Variants in GABRB1 observed in about 807,000 individuals in gnomAD.
The protein encoded by GABRB1 is gamma-aminobutyric acid type A receptor subunit beta1.
GABRB1 carries 17 observed loss-of-function variants against 51.6 expected under a neutral mutation model. The ratio of observed to expected loss-of-function variants is 0.33; its 90% CI spans 0.23 to 0.49. GABRB1 has a LOEUF of 0.49. GABRB1 is among the 20% of genes least tolerant of loss of function. The probability of loss-of-function intolerance (pLI) is 0.99; values close to 1 mark genes in which losing one functional copy is unlikely to be tolerated. For missense variants in GABRB1, 410 were observed against 600.6 expected, an observed-to-expected ratio of 0.68 and a Z score of 3.32; for synonymous variants, 247 against 218.9, an observed-to-expected ratio of 1.13 and a Z score of -1.14.
Position 47,155,916 on chromosome 4 carries a change from C to CATAT in GABRB1, c.241-5306_241-5303dup, listed in dbSNP as rs10525795. 3.0e-3 allele frequency among the ~76,000 whole-genome samples: 223 copies of CATAT among 73,610 alleles called. 22 individuals carry two copies. The highest frequency in any genetic ancestry group is 4.6e-3 in the South Asian group (7 of 1,510). The allele number at this position is 73,610 out of a possible 152,430, so 48.3% of individuals were successfully genotyped here. On this transcript the variant is annotated intron_variant, in intron 3 of 8. Coordinates refer to ENST00000295454, the MANE Select transcript of GABRB1 (RefSeq NM_000812.4). ...TACTCATACTAAAAAGAGGTATTTT[C>CATAT]ATATATATATATATATATATATATA...
chr4:47,318,269 A>C (rs1452189511), intron 4 of GABRB1, among the ~76,000 whole-genome samples: 8 of 152,006 alleles, frequency 5.3e-5, no homozygotes, highest in Admixed American at 5.2e-4. Flanking sequence ...AGTGCTCCCC[A>C]AATGATGATC....
intron 3 of GABRB1, among the ~76,000 whole-genome samples, chr4:47,062,963 A>G (rs975129126): frequency 6.6e-6 from 1 of 152,170 alleles, no homozygotes; most frequent in Non-Finnish European, 1.5e-5. Flanking sequence ...GTTCTGCTAC[A>G]CTCAAATCCA....
intron 3 of GABRB1, among the ~76,000 whole-genome samples, chr4:47,041,759 G>C (rs1432701277): frequency 6.6e-6 from 1 of 151,980 alleles, no homozygotes; most frequent in African/African-American, 2.4e-5. Context: ...TAGCTTTGTT[G>C]TCTCCATGGA....
At chr4:47,110,980 A>C (rs1237910984) in intron 3 of GABRB1, among the ~76,000 whole-genome samples, 2 of 152,188 alleles carry the variant, frequency 1.3e-5, no homozygotes, top group Admixed American at 6.5e-5. Context: ...TAAGGTTTAC[A>C]AAAAAGGATA....
chr4:47,297,616 A>T (rs1724056763), intron 4 of GABRB1, among the ~76,000 whole-genome samples: 1 of 152,224 alleles, frequency 6.6e-6, no homozygotes, highest in African/African-American at 2.4e-5. Context: ...GTAATAATCA[A>T]TAGCTTACCA....
intron 5 of GABRB1, among the ~76,000 whole-genome samples, chr4:47,390,003 A>C (rs182392074): frequency 3.3e-5 from 5 of 152,366 alleles, no homozygotes; most frequent in African/African-American, 9.6e-5. Flanking sequence ...AAGGAAACAT[A>C]CTGGCTCCTG....
At chr4:47,074,500 A>T (rs1727469844) in intron 3 of GABRB1, among the ~76,000 whole-genome samples, 1 of 152,240 alleles carries the variant, frequency 6.6e-6, no homozygotes, top group African/African-American at 2.4e-5. Flanking sequence ...ATGGGTATAA[A>T]ATACCAATAT....
intron 3 of GABRB1, among the ~76,000 whole-genome samples, chr4:47,136,873 G>A (rs1407032352): frequency 6.6e-6 from 1 of 151,904 alleles, no homozygotes; most frequent in Non-Finnish European, 1.5e-5. Context: ...AACATTTAAT[G>A]TCTATATAAG....
intron 4 of GABRB1, among the ~76,000 whole-genome samples, chr4:47,175,196 CTT>C (rs370849643): frequency 1.4e-5 from 2 of 146,170 alleles, no homozygotes; most frequent in African/African-American, 5.1e-5. Context: ...CTCTCTCTCT[CTT>C]TCTTTCTTTC....
At chr4:47,390,954 G>C (rs1727967506) in intron 5 of GABRB1, among the ~76,000 whole-genome samples, 1 of 151,994 alleles carries the variant, frequency 6.6e-6, no homozygotes, top group African/African-American at 2.4e-5. Context: ...GAGGGGGACG[G>C]GTCATGAGGT....
intron 5 of GABRB1, among the ~76,000 whole-genome samples, chr4:47,327,232 T>C (rs1268589002): frequency 6.6e-6 from 1 of 152,092 alleles, no homozygotes; most frequent in African/African-American, 2.4e-5. Context: ...GGCATGGGCC[T>C]GTAGTCCCAA....
chr4:47,293,305 C>T (rs1723830973), intron 4 of GABRB1, among the ~76,000 whole-genome samples: 1 of 152,130 alleles, frequency 6.6e-6, no homozygotes, highest in South Asian at 2.1e-4. Context: ...TAATGCTTGG[C>T]TAATTTTGTA....
At chr4:47,061,135 T>C (rs1250490606) in intron 3 of GABRB1, among the ~76,000 whole-genome samples, 1 of 152,240 alleles carries the variant, frequency 6.6e-6, no homozygotes, top group African/African-American at 2.4e-5. Flanking sequence ...ACATGTGATT[T>C]AAATTTCTCT....
At chr4:47,008,493 C>T (rs1724478820) in intron 1 of GABRB1, among the ~76,000 whole-genome samples, 2 of 150,592 alleles carry the variant, frequency 1.3e-5, no homozygotes, top group Non-Finnish European at 3.0e-5. Flanking sequence ...GATGGAGTCT[C>T]ACTCTTTTGC....
intron 3 of GABRB1, among the ~76,000 whole-genome samples, chr4:47,138,367 C>A (rs1716767317): frequency 6.6e-6 from 1 of 151,964 alleles, no homozygotes. Flanking sequence ...TTGTCCAGAA[C>A]CCCTTGTTTT....
chr4:47,029,434 G>GT (rs926157664), upstream of GABRB1, among the ~76,000 whole-genome samples: 7 of 150,814 alleles, frequency 4.6e-5, no homozygotes, highest in African/African-American at 7.3e-5. Flanking sequence ...ACTTCTGGAA[G>GT]TTTTTTTTTC....
intron 4 of GABRB1, among the ~76,000 whole-genome samples, chr4:47,165,342 C>T (rs536597124): frequency 1.8e-4 from 28 of 152,076 alleles, no homozygotes; most frequent in African/African-American, 6.7e-4. Context: ...TGTTGACTCC[C>T]TCTCTTCAGT....
intron 1 of GABRB1, among the ~76,000 whole-genome samples, chr4:46,995,478 C>A (rs1359171230): frequency 1.3e-5 from 2 of 152,282 alleles, no homozygotes; most frequent in East Asian, 3.9e-4. Flanking sequence ...TCTACCTCAG[C>A]CTTCTAAGTA....
intron 4 of GABRB1, among the ~76,000 whole-genome samples, chr4:47,211,907 A>T (rs1428031395): frequency 6.6e-6 from 1 of 152,048 alleles, no homozygotes; most frequent in African/African-American, 2.4e-5. Flanking sequence ...GACTCTTGTG[A>T]TTATATTTAG....
Sources: allele counts gnomAD v4.1 joint callset (sites outside exome capture counted in the v4.1 genomes callset), GRCh38; gene constraint gnomAD v4.1.1; transcripts MANE v1.5; gene names NCBI Gene and HGNC (gene_info 2026-07-23, HGNC 2026-07-21).